RFX3: variants seen among roughly 807,000 people sequenced by gnomAD.
The protein encoded by RFX3 is transcription factor RFX3.
RFX3 carries 14 observed loss-of-function variants against 98.6 expected under a neutral mutation model. The observed-to-expected ratio is 0.14, with a 90% CI of 0.09 to 0.22. RFX3 has a LOEUF of 0.22. Among genes scored for constraint, RFX3 ranks in the 10% least tolerant of loss-of-function variants. The probability of loss-of-function intolerance (pLI) is 1.00; values close to 1 mark genes in which losing one functional copy is unlikely to be tolerated. For missense variants in RFX3, 639 were observed against 926.9 expected (o/e 0.69, Z 4.03); for synonymous variants, 383 against 328.4 (o/e 1.17, Z -1.80).
In RFX3 at chr9:3,360,808, A is replaced by G. The variant is rs78550965; in HGVS notation, c.118-14044T>C. ...TATATTTTGAGGACAAATTTATACA[A>G]TATGTTATTTCGGATGTGCTTCAAG... is the stretch of plus-strand genomic sequence containing the variant. On this transcript the variant is annotated intron_variant, in intron 2 of 16. Coordinates refer to ENST00000617270, the MANE Select transcript of RFX3 (RefSeq NM_001282116.2). 4.6e-5 allele frequency among the ~76,000 whole-genome samples: 7 copies of G among 152,320 alleles called. No individual in the cohort carries two copies. The East Asian group carries it at 1.3e-3, about 29-fold the overall frequency.
chr9:3,504,359 T>C (rs1816463795), intron 1 of RFX3, among the ~76,000 whole-genome samples: 1 of 132,552 alleles, frequency 7.5e-6, no homozygotes, highest in Non-Finnish European at 1.5e-5. Context: ...GCATATATTG[T>C]ATATAAAATA....
At chr9:3,387,411 C>T (rs1322477449) in intron 2 of RFX3, among the ~76,000 whole-genome samples, 3 of 152,174 alleles carry the variant, frequency 2.0e-5, no homozygotes, top group East Asian at 3.9e-4. Flanking sequence ...TCAAAGCATA[C>T]TATTACTCAA....
Position 3,288,295 on chromosome 9 carries a change from CT to C in RFX3, c.732-46del, listed in dbSNP as rs1563865775. The C allele has an allele frequency of 1.9e-6, 3 of 1,584,764 alleles. No individual in the cohort carries two copies. The South Asian group carries it at 3.3e-5, about 18-fold the overall frequency. ...ACATTAGAAACAAAAGTCAGTCAAA[CT>C]AATATTAATCACATGGGATGTCCAT... On this transcript the variant is annotated intron_variant, in intron 6 of 16. Coordinates refer to ENST00000617270, the MANE Select transcript of RFX3 (RefSeq NM_001282116.2).
intron 7 of RFX3, among the ~76,000 whole-genome samples, chr9:3,285,972 C>G (rs888410712): frequency 6.6e-6 from 1 of 151,648 alleles, no homozygotes; most frequent in Admixed American, 6.6e-5. Context: ...AAGAATGTCC[C>G]TTGAAGGCTT....
chr9:3,347,392 T>C (rs1382112174), intron 2 of RFX3, among the ~76,000 whole-genome samples: 2 of 152,096 alleles, frequency 1.3e-5, no homozygotes, highest in Non-Finnish European at 2.9e-5. Flanking sequence ...AAAAAGCTGA[T>C]TTTTTTAAAT....
At chr9:3,250,443 G>A (rs867683131) in intron 14 of RFX3, among the ~76,000 whole-genome samples, 1 of 152,028 alleles carries the variant, frequency 6.6e-6, no homozygotes, top group Admixed American at 6.6e-5. Context: ...CTATAAAGCT[G>A]TCAGAGGTTA....
intron 3 of RFX3, among the ~76,000 whole-genome samples, chr9:3,330,741 G>A (rs1375048717): frequency 1.3e-5 from 2 of 152,110 alleles, no homozygotes; most frequent in Non-Finnish European, 2.9e-5. Context: ...CTGTACTACA[G>A]AGATTTTGCC....
chr9:3,309,060 C>G (rs182514493), intron 4 of RFX3, among the ~76,000 whole-genome samples: 77 of 152,216 alleles, frequency 5.1e-4, no homozygotes, highest in African/African-American at 1.8e-3. Flanking sequence ...TATGACCATA[C>G]AAACAATCAC....
At chr9:3,276,389 G>C (rs1464583612) in intron 8 of RFX3, among the ~76,000 whole-genome samples, 1 of 152,072 alleles carries the variant, frequency 6.6e-6, no homozygotes, top group Non-Finnish European at 1.5e-5. Context: ...ACATTTTGGT[G>C]CCTGTCTTAC....
chr9:3,443,912 G>C (rs556067356), intron 1 of RFX3, among the ~76,000 whole-genome samples: 5 of 152,254 alleles, frequency 3.3e-5, no homozygotes, highest in South Asian at 2.1e-4. Flanking sequence ...TTTAAAAACT[G>C]ACCACATCAA....
At chr9:3,464,070 C>A (rs750947389) in intron 1 of RFX3, among the ~76,000 whole-genome samples, 1 of 152,054 alleles carries the variant, frequency 6.6e-6, no homozygotes, top group South Asian at 2.1e-4. Flanking sequence ...TAGGGAAATA[C>A]AAAGTAATGT....
intron 2 of RFX3, among the ~76,000 whole-genome samples, chr9:3,391,540 A>G (rs1840310998): frequency 6.6e-6 from 1 of 152,174 alleles, no homozygotes; most frequent in Non-Finnish European, 1.5e-5. Flanking sequence ...CAGAAGAAAA[A>G]GCTAACTTGA....
intron 1 of RFX3, among the ~76,000 whole-genome samples, chr9:3,412,919 T>C (rs1362809108): frequency 1.3e-5 from 2 of 152,106 alleles, no homozygotes. Context: ...TGAATAAAAA[T>C]CAATAACTAT....
At chr9:3,474,785 G>A (rs1282386703) in intron 1 of RFX3, among the ~76,000 whole-genome samples, 3 of 152,150 alleles carry the variant, frequency 2.0e-5, no homozygotes, top group South Asian at 4.1e-4. Context: ...CAATCTAAAT[G>A]TCTGTGAAAC....
At chr9:3,450,927 G>A (rs1054596199) in intron 1 of RFX3, among the ~76,000 whole-genome samples, 7 of 152,066 alleles carry the variant, frequency 4.6e-5, no homozygotes, top group African/African-American at 1.7e-4. Context: ...GGTTTTAAAA[G>A]AGCTGCAATT....
intron 1 of RFX3, among the ~76,000 whole-genome samples, chr9:3,396,596 G>C (rs975789897): frequency 6.6e-6 from 1 of 151,400 alleles, no homozygotes; most frequent in African/African-American, 2.4e-5. Context: ...TCTAGTTCTA[G>C]ATCCCTGAGG....
chr9:3,340,193 T>C (rs1254302563), intron 3 of RFX3, among the ~76,000 whole-genome samples: 1 of 152,190 alleles, frequency 6.6e-6, no homozygotes, highest in Non-Finnish European at 1.5e-5. Flanking sequence ...GAAAACCGGC[T>C]AGCCATATGT....
intron 7 of RFX3, among the ~76,000 whole-genome samples, chr9:3,280,944 T>A (rs979174796): frequency 6.6e-6 from 1 of 151,746 alleles, no homozygotes; most frequent in Non-Finnish European, 1.5e-5. Context: ...TTTTAACTTT[T>A]CTCAATAAAC....
At chr9:3,281,085 C>T (rs1020275133) in intron 7 of RFX3, among the ~76,000 whole-genome samples, 35 of 151,764 alleles carry the variant, frequency 2.3e-4, no homozygotes, top group Non-Finnish European at 4.0e-4. Flanking sequence ...TGAGCACATA[C>T]TGTATTATGG....
Sources: allele counts gnomAD v4.1 joint callset (sites outside exome capture counted in the v4.1 genomes callset), GRCh38; gene constraint gnomAD v4.1.1; transcripts MANE v1.5; gene names NCBI Gene and HGNC (gene_info 2026-07-23, HGNC 2026-07-21).